Variants in ATP7A observed in about 807,000 individuals in gnomAD.
ATP7A encodes ATPase copper transporting alpha, also known as copper-transporting ATPase 1.
A neutral mutation model predicts 83.5 loss-of-function variants in ATP7A; 7 were observed. That is an observed-to-expected ratio of 0.08 (90% CI 0.05 to 0.16). The LOEUF (loss-of-function observed/expected upper bound fraction) is 0.16, where lower values mean the gene tolerates loss of function less well. Among genes scored for constraint, ATP7A ranks in the 10% least tolerant of loss-of-function variants. The pLI is 1.00. For synonymous variants in ATP7A, 354 were observed against 395.2 expected (o/e 0.90, Z 1.24); for missense variants, 940 against 1,120.8 (o/e 0.84, Z 2.30).
In ATP7A at chrX:78,014,743, A is replaced by G. The variant is rs782818596; in HGVS notation, c.2488A>G (p.Ile830Val). 1.7e-6 allele frequency: 2 copies of G among 1,196,965 alleles called. No individual in the cohort carries two copies. Among genetic ancestry groups the G allele is most frequent in the Non-Finnish European group, 2.3e-6 (2 of 883,267 alleles). The stretch of plus-strand genomic sequence containing the variant: ...TATTGTAACTCTTGATTCTGATAAT[A>G]TCCTCCTCAGGTATTTATCTTCACT... ...ATIVTLDSDN[I>V]LLSEEQVDVE... The change falls in exon 11 of 23, where the codon ATC becomes GTC. Residue 830 changes from isoleucine (I) to valine (V), a missense_variant. Ile to Val is a conservative substitution (Grantham distance 29). This residue lies in a region of ATP7A where 204 missense variants were observed against 185.8 expected (regional missense o/e 1.10). Coordinates refer to ENST00000341514, the MANE Select transcript of ATP7A (RefSeq NM_000052.7).
chrX:77,965,505 G>T (rs1411518206), intron 1 of ATP7A: 3 of 288,501 alleles, frequency 1.0e-5, no homozygotes, highest in Non-Finnish European at 2.0e-5. Context: ...GAATAAAAAA[G>T]ATAATAGGTA....
In ATP7A at chrX:78,007,963, T is replaced by G. The variant is rs782062298; in HGVS notation, c.1708-1139T>G. 3.6e-5 allele frequency among the ~76,000 whole-genome samples: 4 copies of G among 112,588 alleles called. No individual in the cohort carries two copies. In the South Asian group the frequency reaches 1.4e-3, roughly 41 times the overall value. On this transcript the variant is annotated intron_variant, in intron 6 of 22. Transcript: ENST00000341514. ...TTATACTCTTTTAGTTATTTTTAAATGTATGATTAAGTTATTATTGACTAT... is the reference window on the plus strand; with the variant it reads ...TTATACTCTTTTAGTTATTTTTAAAGGTATGATTAAGTTATTATTGACTAT...
Position 77,988,635 on chromosome X carries a change from G to A in ATP7A, c.514G>A (p.Val172Met), listed in dbSNP as rs782248978. Residue 172 changes from valine to methionine, a missense_variant, in exon 3 of 23, where the codon GTG becomes ATG. Physicochemically the swap from Val to Met is conservative, Grantham distance 21 (BLOSUM62 1). Around this residue, in one of 3 missense-constraint regions of ATP7A, gnomAD observed 350 missense variants for 432.8 expected, o/e 0.81. Coordinates refer to ENST00000341514, the MANE Select transcript of ATP7A (RefSeq NM_000052.7). Reference protein sequence around the residue: ...DHSMAQAGEVVLKMKVEGMTC... With the variant: ...DHSMAQAGEVMLKMKVEGMTC... ...TAGTATGGCTCAAGCTGGTGAAGTC[G>A]TGCTGAAGATGAAAGTGGAAGGGAT... 10 of 1,209,734 alleles carry A rather than the reference G, an allele frequency of 8.3e-6. No individual in the cohort carries two copies. Among genetic ancestry groups the A allele is most frequent in the South Asian group, 1.8e-5 (1 of 56,830 alleles).
rs2078092541 is a variant in ATP7A, at chrX:78,047,914, T to C, written c.*1344T>C. ...ATTGAGTATAATCACTTTGCTAGTATATATAATTTAATAGATTTTATTTAT... is the reference window on the plus strand; with the variant it reads ...ATTGAGTATAATCACTTTGCTAGTACATATAATTTAATAGATTTTATTTAT... On this transcript the variant is annotated 3_prime_UTR_variant, in exon 23 of 23. Coordinates refer to ENST00000341514, the MANE Select transcript of ATP7A (RefSeq NM_000052.7). 8.9e-6 allele frequency: 1 copy of C among 111,949 alleles called. No homozygotes were observed. The highest frequency in any genetic ancestry group is 3.2e-5 in the African/African-American group (1 of 30,800). 9.2% of individuals were successfully genotyped at this position (111,949 alleles called of 1,213,427 possible).
chrX:78,033,745 A>T lies in ATP7A; in HGVS notation c.3435A>T (p.Ala1145=). 1 of 1,210,845 alleles carries T rather than the reference A, an allele frequency of 8.3e-7. No homozygotes were observed. Among genetic ancestry groups the T allele is most frequent in the Non-Finnish European group, 1.1e-6 (1 of 894,976 alleles). The part of the protein sequence containing the change: ...WNIEDNNIKN[A]SLVQIDASNE... The stretch of plus-strand genomic sequence containing the variant: ...TAGAGGACAATAATATTAAAAATGC[A>T]TCCCTGGTTCAAATTGATGCCAGTA... The change falls in exon 17 of 23, where the codon GCA becomes GCT. Residue 1145 remains alanine, a synonymous_variant. Coordinates refer to ENST00000341514, the MANE Select transcript of ATP7A (RefSeq NM_000052.7).
chrX:78,020,615 C>T (rs1317785007), intron 13 of ATP7A, among the ~76,000 whole-genome samples: 2 of 111,319 alleles, frequency 1.8e-5, no homozygotes, highest in African/African-American at 6.5e-5. Context: ...TAAGTTCAAG[C>T]GATCCTTCTG....
In ATP7A at chrX:77,995,830, G is replaced by A. The variant is rs782809084; in HGVS notation, c.1337-2648G>A. Among the ~76,000 whole-genome samples the A allele has an allele frequency of 3.6e-5, 4 of 110,564 alleles. No homozygotes were observed. The South Asian group carries it at 1.5e-3, about 43-fold the overall frequency. ...ACAATCTTGGCTCACTGCAACCTCC[G>A]CCTCCCGGGTTCAAGCGATTCTCCT... is the stretch of plus-strand genomic sequence containing the variant. On this transcript the variant is annotated intron_variant, in intron 4 of 22. Transcript: ENST00000341514.
intron 1 of ATP7A, among the ~76,000 whole-genome samples, chrX:77,967,698 T>C (rs2077517475): frequency 8.9e-6 from 1 of 112,092 alleles, no homozygotes; most frequent in African/African-American, 3.2e-5. Context: ...ATTCTGTAGG[T>C]TAAAAGGCTG....
At chrX:78,022,605 C>T (rs1409197189) in intron 14 of ATP7A, among the ~76,000 whole-genome samples, 1 of 109,808 alleles carries the variant, frequency 9.1e-6, no homozygotes, top group Non-Finnish European at 1.9e-5. Flanking sequence ...GCAACTTCCA[C>T]CTCCCAGGTT....
rs782604419 is a variant in ATP7A, at chrX:78,020,897, C to T, written c.2782-48C>T. On this transcript the variant is annotated intron_variant, in intron 13 of 22. Coordinates refer to ENST00000341514, the MANE Select transcript of ATP7A (RefSeq NM_000052.7). The stretch of plus-strand genomic sequence containing the variant: ...ACTCTGCATTCAGTATCAGAAAAGA[C>T]TTTGATATGCTTCTTCTTCTTATTA... 3 of 1,158,344 alleles carry T rather than the reference C, an allele frequency of 2.6e-6. No individual in the cohort carries two copies. The South Asian group carries it at 5.4e-5, about 21-fold the overall frequency.
chrX:77,968,905 G>C, intron 1 of ATP7A: 1 of 1,210,443 alleles, frequency 8.3e-7, no homozygotes, highest in Non-Finnish European at 1.1e-6. Flanking sequence ...GGCAGCCACA[G>C]CTTCTATGGC....
At chrX:77,924,524 A>T (rs1209294575) in intron 1 of ATP7A, 1 of 111,630 alleles carries the variant, frequency 9.0e-6, no homozygotes, top group Non-Finnish European at 1.9e-5. Flanking sequence ...CTGGCTAAAC[A>T]GTTGTCTTTG....
chrX:78,017,368 T>C (rs1277323388), intron 12 of ATP7A, among the ~76,000 whole-genome samples: 1 of 112,543 alleles, frequency 8.9e-6, no homozygotes, highest in African/African-American at 3.2e-5. Flanking sequence ...GGGCCTTTGA[T>C]GGGAGGGGCT....
intron 21 of ATP7A, among the ~76,000 whole-genome samples, chrX:78,044,842 A>G (rs782786973): frequency 8.9e-6 from 1 of 112,166 alleles, no homozygotes; most frequent in East Asian, 2.8e-4. Flanking sequence ...AGGAAAGACA[A>G]GAAATGACAT....
At chrX:77,993,619 C>G (rs2077682500) in intron 4 of ATP7A, among the ~76,000 whole-genome samples, 1 of 111,141 alleles carries the variant, frequency 9.0e-6, no homozygotes, top group Non-Finnish European at 1.9e-5. Flanking sequence ...ATGGTGGTCC[C>G]GTAAGATTAT....
intron 1 of ATP7A, chrX:77,962,829 C>T (rs886133396): frequency 2.6e-6 from 1 of 385,213 alleles, no homozygotes; most frequent in Admixed American, 2.6e-5. Context: ...GGAAAATGCA[C>T]GTTTCCTTAA....
rs2077478955 is a variant in ATP7A at position 77,962,457 on chromosome X, C to T, written c.-21-9164C>T. On this transcript the variant is annotated intron_variant, in intron 1 of 22. Transcript: ENST00000341514. ...GTACTTTCATTTTCAACAAATCCCT[C>T]CATTCCTTCCTTGCTTTGTTTGTGC... The T allele has an allele frequency of 4.0e-5, 9 of 226,395 alleles. No individual in the cohort carries two copies. The South Asian group carries it at 4.7e-4, about 12-fold the overall frequency. The allele number at this position is 226,395 out of a possible 1,213,427, so 18.7% of individuals were successfully genotyped here. A position where few individuals can be genotyped will look rare whatever the true frequency, so the allele number is the denominator to read the frequency against.
chrX:78,041,153 A>G (rs782229256), intron 19 of ATP7A, among the ~76,000 whole-genome samples: 13 of 110,824 alleles, frequency 1.2e-4, no homozygotes, highest in Admixed American at 8.7e-4. Context: ...TTGACATACC[A>G]TTTTTCTGCT....
At chrX:78,000,516 A>C (rs964291833) in intron 5 of ATP7A, among the ~76,000 whole-genome samples, 9 of 108,700 alleles carry the variant, frequency 8.3e-5, no homozygotes, top group Non-Finnish European at 1.5e-4. Context: ...ACTTTAGCCT[A>C]GCTGGAGTCA....
Sources: gnomAD v4.1 joint callset for allele counts (sites outside exome capture counted in the v4.1 genomes callset) on GRCh38, gnomAD v4.1.1 for gene constraint, gnomAD v4.1.1 regional missense constraint, MANE v1.5 for transcripts, NCBI Gene and HGNC (gene_info 2026-07-23, HGNC 2026-07-21) for gene names.